The following TMEM63C variants were observed in gnomAD, a reference collection of about 807,000 sequenced individuals.
TMEM63C encodes osmosensitive cation channel TMEM63C.
TMEM63C carries 32 observed loss-of-function variants against 99.2 expected under a neutral mutation model. The observed-to-expected ratio is 0.32, with a 90% CI of 0.24 to 0.43. The LOEUF is 0.43. TMEM63C is among the 20% of genes least tolerant of loss of function. TMEM63C has a pLI of 1.00. For synonymous variants in TMEM63C, 376 were observed against 397.9 expected, an observed-to-expected ratio of 0.94 and a Z score of 0.66; for missense variants, 826 against 1,053.0, an observed-to-expected ratio of 0.78 and a Z score of 2.98.
chr14:77,249,627 T>G (rs565223176), intron 21 of TMEM63C, among the ~76,000 whole-genome samples, 169 bp downstream of exon 21: 1 of 151,986 alleles, frequency 6.6e-6, no homozygotes, highest in Non-Finnish European at 1.5e-5. Flanking sequence ...TACATTAGAG[T>G]CTCAGCTGAG....
At chr14:77,238,812 A>G (rs777910987) in intron 10 of TMEM63C, 45 bp downstream of exon 10, 5 of 1,509,372 alleles carry the variant, frequency 3.3e-6, no homozygotes, top group Admixed American at 3.4e-5. Context: ...CTTCCTCCCC[A>G]TAACCCCGCC....
chr14:77,242,846 C>G, intron 14 of TMEM63C, 57 bp from the exon 15 acceptor site: 1 of 1,601,800 alleles, frequency 6.2e-7, no homozygotes, highest in Non-Finnish European at 8.5e-7. Flanking sequence ...GCAAACAGCA[C>G]GTGGGCTCTA....
chr14:77,251,808 C>T lies in TMEM63C; in HGVS notation c.2058C>T (p.Thr686=), dbSNP rs761582656. The change falls in exon 22 of 24, where the codon ACC becomes ACT. Residue 686 remains threonine, a synonymous_variant. Coordinates refer to ENST00000298351, the MANE Select transcript of TMEM63C (RefSeq NM_020431.4). Reference sequence around the variant, plus strand: ...CGGCAGGTTCTCTCCACGCCATCACCATCTTTTCCCTGTCCACCCTCCTCA... The same window carrying T: ...CGGCAGGTTCTCTCCACGCCATCACTATCTTTTCCCTGTCCACCCTCCTCA... The part of the protein sequence containing the change: ...ILRLGSLHAI[T]IFSLSTLLIA... The T allele has an allele frequency of 8.7e-6, 14 of 1,614,004 alleles. No homozygotes were observed. Among genetic ancestry groups the T allele is most frequent in the South Asian group, 2.2e-5 (2 of 91,082 alleles).
chr14:77,184,533 C>T (rs1887965898), intron 1 of TMEM63C, among the ~76,000 whole-genome samples: 1 of 152,118 alleles, frequency 6.6e-6, no homozygotes, highest in African/African-American at 2.4e-5. Flanking sequence ...TTGCACAGAG[C>T]GTCCAGTTTG....
chr14:77,239,793 C>A lies in TMEM63C; in HGVS notation c.930+67C>A, dbSNP rs1250691535. On this transcript the variant is annotated intron_variant, in intron 12 of 23. Coordinates refer to ENST00000298351, the MANE Select transcript of TMEM63C (RefSeq NM_020431.4). ...GGGTCCTGGGGCTCTAGGCTCTGTG[C>A]CTTTGCCCGCACTGTTGGGCCCCAG... The A allele has an allele frequency of 1.9e-6, 3 of 1,573,712 alleles. No homozygotes were observed. The African/African-American group carries it at 4.0e-5, about 21-fold the overall frequency.
At chr14:77,184,359 C>T (rs552038724) in intron 1 of TMEM63C, among the ~76,000 whole-genome samples, 7 of 152,198 alleles carry the variant, frequency 4.6e-5, no homozygotes, top group African/African-American at 2.4e-5. Context: ...AGGATGTTCA[C>T]CCCCGAAAAT....
At chr14:77,195,336 G>A (rs1888197147) in intron 1 of TMEM63C, among the ~76,000 whole-genome samples, 1 of 152,210 alleles carries the variant, frequency 6.6e-6, no homozygotes, top group Non-Finnish European at 1.5e-5. Flanking sequence ...GCTGGCTGCA[G>A]AGACTGGGCT....
At chr14:77,216,968 C>T (rs1005055388) in intron 2 of TMEM63C, among the ~76,000 whole-genome samples, 7 of 152,120 alleles carry the variant, frequency 4.6e-5, no homozygotes, top group African/African-American at 1.7e-4. Context: ...GAGTTTGAGA[C>T]TAGCCTGGGC....
At chr14:77,239,827 C>A in intron 12 of TMEM63C, 101 bp downstream of exon 12, 1 of 1,465,726 alleles carries the variant, frequency 6.8e-7, no homozygotes, top group Admixed American at 2.1e-5. Context: ...AGGCCTCACT[C>A]AGGTCTGCTC....
intron 1 of TMEM63C, among the ~76,000 whole-genome samples, chr14:77,201,702 G>A (rs768769327): frequency 6.6e-6 from 1 of 152,228 alleles, no homozygotes; most frequent in Non-Finnish European, 1.5e-5. Context: ...CCACCAAAGT[G>A]TGAGACCCAT....
chr14:77,241,044 A>G (rs1028331694), intron 13 of TMEM63C, among the ~76,000 whole-genome samples: 1 of 147,100 alleles, frequency 6.8e-6, no homozygotes, highest in East Asian at 2.0e-4. Flanking sequence ...TCTGCCTCCC[A>G]GGTTCAAGCG....
chr14:77,225,868 C>T (rs1335507335), intron 6 of TMEM63C, among the ~76,000 whole-genome samples: 2 of 151,336 alleles, frequency 1.3e-5, no homozygotes, highest in East Asian at 4.0e-4. Context: ...GAAGGGCAGG[C>T]CTCGCTCGGC....
intron 5 of TMEM63C, among the ~76,000 whole-genome samples, chr14:77,224,456 T>C (rs548351454): frequency 1.3e-5 from 2 of 152,252 alleles, no homozygotes; most frequent in South Asian, 4.1e-4. Flanking sequence ...TCTAGAGCTG[T>C]AACCTTGTGC....
At chr14:77,184,521 G>A (rs972782719) in intron 1 of TMEM63C, among the ~76,000 whole-genome samples, 4 of 152,184 alleles carry the variant, frequency 2.6e-5, no homozygotes, top group African/African-American at 9.7e-5. Context: ...GCTGGGAGCT[G>A]TTTGCACAGA....
chr14:77,247,313 A>G (rs1479211312), intron 18 of TMEM63C, among the ~76,000 whole-genome samples: 1 of 151,844 alleles, frequency 6.6e-6, no homozygotes, highest in Non-Finnish European at 1.5e-5. Context: ...CGATTCTCCC[A>G]CCTCAGCCTG....
chr14:77,227,736 C>A (rs1232288186), intron 6 of TMEM63C, among the ~76,000 whole-genome samples: 1 of 152,120 alleles, frequency 6.6e-6, no homozygotes, highest in Non-Finnish European at 1.5e-5. Flanking sequence ...TCTAGTGCTA[C>A]AGAGGTGGAG....
intron 15 of TMEM63C, among the ~76,000 whole-genome samples, chr14:77,243,979 C>T (rs1889226448): frequency 6.6e-6 from 1 of 152,222 alleles, no homozygotes; most frequent in Non-Finnish European, 1.5e-5. Flanking sequence ...CCCACGCATC[C>T]TGGGAGGGCC....
chr14:77,189,860 C>T (rs544203658), intron 1 of TMEM63C, among the ~76,000 whole-genome samples: 26 of 152,150 alleles, frequency 1.7e-4, no homozygotes, highest in Non-Finnish European at 3.1e-4. Flanking sequence ...GCTCTTTGCA[C>T]GTCTGAAATG....
intron 1 of TMEM63C, among the ~76,000 whole-genome samples, chr14:77,211,246 G>T (rs759035285): frequency 2.6e-5 from 4 of 152,204 alleles, no homozygotes; most frequent in Non-Finnish European, 5.9e-5. Context: ...GGTTACAAAT[G>T]GTCTGGCTTC....
Sources: allele counts gnomAD v4.1 joint callset (sites outside exome capture counted in the v4.1 genomes callset), GRCh38; gene constraint gnomAD v4.1.1; transcripts MANE v1.5; gene names NCBI Gene and HGNC (gene_info 2026-07-23, HGNC 2026-07-21).